Variants in HARS2 observed in about 807,000 individuals in gnomAD.
HARS2 encodes the protein histidyl-tRNA synthetase 2, mitochondrial, also known as histidine--tRNA ligase, mitochondrial.
Under a neutral mutation model 62.4 loss-of-function variants are expected in HARS2, and 40 were observed. The observed-to-expected ratio is 0.64, with a 90% CI of 0.50 to 0.83. The LOEUF (loss-of-function observed/expected upper bound fraction) is 0.83, where lower values mean the gene tolerates loss of function less well. HARS2 is among the 40% of genes least tolerant of loss of function. The probability of loss-of-function intolerance (pLI) is 0.00; values close to 1 mark genes in which losing one functional copy is unlikely to be tolerated. For synonymous variants in HARS2, 228 were observed against 227.0 expected (o/e 1.00, Z -0.04); for missense variants, 569 against 626.4 (o/e 0.91, Z 0.98).
At chr5:140,695,940 T>C in intron 6 of HARS2, 95 bp downstream of exon 6, 1 of 1,036,762 alleles carries the variant, frequency 9.6e-7, no homozygotes, top group East Asian at 2.4e-5. Flanking sequence ...CCCTTAAGCC[T>C]GCAACTGTAG....
intron 1 of HARS2, chr5:140,692,091 G>T (rs1183160766): frequency 6.3e-6 from 2 of 317,864 alleles, no homozygotes; most frequent in African/African-American, 4.3e-5. Context: ...ATTTTTAAGC[G>T]AAATATATGA....
chr5:140,695,121 T>C (rs1035982794), intron 4 of HARS2, among the ~76,000 whole-genome samples: 4 of 152,178 alleles, frequency 2.6e-5, no homozygotes, highest in African/African-American at 9.6e-5. Flanking sequence ...GTAATTAAGA[T>C]GCATGTAGTC....
chr5:140,697,721 G>T lies in HARS2; in HGVS notation c.1314+36G>T, dbSNP rs201542363. The T allele has an allele frequency of 9.8e-5, 144 of 1,476,256 alleles. 1 individual carries two copies. The highest frequency in any genetic ancestry group is 5.7e-6 in the Non-Finnish European group (6 of 1,054,270). The allele number at this position is 1,476,256 out of a possible 1,614,324, so 91.4% of individuals were successfully genotyped here. On this transcript the variant is annotated intron_variant, in intron 11 of 12. Transcript: ENST00000230771. The stretch of plus-strand genomic sequence containing the variant: ...GCTGATATCTGAGCCATCTGGGTAT[G>T]TGTGGAATTTAGGACCCAGGGCTAT...
In HARS2 at chr5:140,694,061, G is replaced by A. The variant is rs1322885776; in HGVS notation, c.303+7G>A. ...CCCAGCATTTGAGCTGAAGGTAAGG[G>A]GAGAAGAAAGAGTACGTGCAACCTC... On this transcript the variant is annotated splice_region_variant and intron_variant, in intron 3 of 12. Transcript: ENST00000230771. 1 of 1,614,010 alleles carries A rather than the reference G, an allele frequency of 6.2e-7. No individual in the cohort carries two copies. The highest frequency in any genetic ancestry group is 1.3e-5 in the African/African-American group (1 of 74,914).
chr5:140,696,453 G>T, intron 7 of HARS2, 68 bp from the exon 8 acceptor site: 1 of 1,200,870 alleles, frequency 8.3e-7, no homozygotes, highest in South Asian at 1.2e-5. Context: ...AATGGAAGTT[G>T]AGTTGTCCTT....
At chr5:140,691,989 T>A (rs1160334797) in intron 1 of HARS2, 3 of 587,420 alleles carry the variant, frequency 5.1e-6, no homozygotes, top group Non-Finnish European at 9.1e-6. Flanking sequence ...GCTGCAAGAT[T>A]AAATGAATGA....
intron 4 of HARS2, 142 bp from the exon 5 acceptor site, chr5:140,695,366 A>G: frequency 1.1e-6 from 1 of 887,970 alleles, no homozygotes; most frequent in South Asian, 1.3e-5. Flanking sequence ...AAGCACTGCT[A>G]GGCCTTGGGG....
Position 140,695,497 on chromosome 5 carries a change from A to G in HARS2, c.400-11A>G, listed in dbSNP as rs763068437. 1 of 1,613,954 alleles carries G rather than the reference A, an allele frequency of 6.2e-7. No homozygotes were observed. The highest frequency in any genetic ancestry group is 2.2e-5 in the East Asian group (1 of 44,870). ...ATGCAGTATCCCTCTTCCTTAACCCATTTATGTGAGGTTCCCTTTGCTCGT... is the reference window on the plus strand; with the variant it reads ...ATGCAGTATCCCTCTTCCTTAACCCGTTTATGTGAGGTTCCCTTTGCTCGT... On this transcript the variant is annotated splice_polypyrimidine_tract_variant and intron_variant, in intron 4 of 12. Transcript: ENST00000230771.
At chr5:140,692,613 C>T (rs1759552729) in intron 1 of HARS2, among the ~76,000 whole-genome samples, 1 of 152,064 alleles carries the variant, frequency 6.6e-6, no homozygotes, top group African/African-American at 2.4e-5. Flanking sequence ...ATTTTTTTGT[C>T]CGGGCACAGT....
intron 1 of HARS2, chr5:140,692,249 T>C (rs1759527282): frequency 1.7e-5 from 3 of 178,446 alleles, no homozygotes; most frequent in Admixed American, 1.6e-4. Flanking sequence ...GTACTTGAAC[T>C]TGGACTTCTC....
chr5:140,696,379 G>A, intron 7 of HARS2, 142 bp from the exon 8 acceptor site: 1 of 813,578 alleles, frequency 1.2e-6, no homozygotes, highest in African/African-American at 1.7e-5. Context: ...GATTGTGACT[G>A]GATTTCTTAA....
In HARS2 at chr5:140,698,559, C is replaced by T. The variant is rs1328925622; in HGVS notation, c.*7C>T. On this transcript the variant is annotated 3_prime_UTR_variant, in exon 13 of 13. Transcript: ENST00000230771. ...GCGACTGTCTGAGTCTTGATCCTTG[C>T]CTGATTCCCATCTGCTGCTCTTTGT... The T allele has an allele frequency of 1.2e-6, 2 of 1,608,162 alleles. No homozygotes were observed. Among genetic ancestry groups the T allele is most frequent in the East Asian group, 2.2e-5 (1 of 44,858 alleles).
intron 2 of HARS2, 27 bp downstream of exon 2, chr5:140,693,692 A>G: frequency 6.4e-7 from 1 of 1,574,592 alleles, no homozygotes; most frequent in Non-Finnish European, 8.7e-7. Context: ...ACCCTATCCC[A>G]TTAGAGTGCC....
intron 4 of HARS2, among the ~76,000 whole-genome samples, chr5:140,694,576 G>GT (rs953320832): frequency 5.3e-5 from 8 of 151,904 alleles, no homozygotes; most frequent in South Asian, 2.1e-4. Flanking sequence ...TTAAAAAATT[G>GT]TTTTTTTTGG....
intron 12 of HARS2, 108 bp downstream of exon 12, chr5:140,698,186 G>C (rs1418756564): frequency 9.0e-7 from 1 of 1,110,360 alleles, no homozygotes; most frequent in African/African-American, 1.5e-5. Flanking sequence ...GGTTAATAGT[G>C]GTAGAGATGA....
chr5:140,693,882 A>T, intron 2 of HARS2, 53 bp from the exon 3 acceptor site: 1 of 1,608,984 alleles, frequency 6.2e-7, no homozygotes, highest in Non-Finnish European at 8.5e-7. Flanking sequence ...TCCTTGTCTG[A>T]AATGGACTTA....
Position 140,698,578 on chromosome 5 carries a change from T to C in HARS2, c.*26T>C, listed in dbSNP as rs1198750443. 1.3e-6 allele frequency: 2 copies of C among 1,576,346 alleles called. No homozygotes were observed. Among genetic ancestry groups the C allele is most frequent in the Admixed American group, 1.7e-5 (1 of 59,978 alleles). On this transcript the variant is annotated 3_prime_UTR_variant, in exon 13 of 13. Coordinates refer to ENST00000230771, the MANE Select transcript of HARS2 (RefSeq NM_012208.4). ...TCCTTGCCTGATTCCCATCTGCTGC[T>C]CTTTGTAGAAAAGGTTTCCTCTAGA...
chr5:140,697,641 G>A lies in HARS2; in HGVS notation c.1270G>A (p.Glu424Lys). ...VATPQKNFLQ[E>K]RLKLIAELWD... is the part of the protein sequence containing the mutation. The stretch of plus-strand genomic sequence containing the variant: ...CACACCACAGAAGAACTTTCTCCAA[G>A]AACGGTTGAAGCTTATTGCAGAGCT... Residue 424 changes from glutamate (E) to lysine (K), a missense_variant, in exon 11 of 13, where the codon GAA becomes AAA. Glu to Lys is a moderately conservative substitution (Grantham distance 56). Coordinates refer to ENST00000230771, the MANE Select transcript of HARS2 (RefSeq NM_012208.4). 6.2e-7 allele frequency: 1 copy of A among 1,613,958 alleles called. No individual in the cohort carries two copies. Among genetic ancestry groups the A allele is most frequent in the Non-Finnish European group, 8.5e-7 (1 of 1,179,820 alleles).
chr5:140,691,547 C>T lies in HARS2; in HGVS notation c.-102C>T. The T allele has an allele frequency of 1.2e-6, 1 of 831,034 alleles. No homozygotes were observed. The highest frequency in any genetic ancestry group is 2.0e-6 in the Non-Finnish European group (1 of 500,484). 51.5% of individuals were successfully genotyped at this position (831,034 alleles called of 1,614,324 possible). ...AAACGCCCGAGTTTTCCCTGGTGCG[C>T]GGGTTCCGCCTTTGCAGTGCCCTCC... On this transcript the variant is annotated 5_prime_UTR_variant, in exon 1 of 13. Transcript: ENST00000230771.
Sources: allele counts gnomAD v4.1 joint callset (sites outside exome capture counted in the v4.1 genomes callset), GRCh38; gene constraint gnomAD v4.1.1; transcripts MANE v1.5; gene names NCBI Gene and HGNC (gene_info 2026-07-23, HGNC 2026-07-21).